PTPRD: variants seen among roughly 807,000 people sequenced by gnomAD.
PTPRD encodes the protein receptor-type tyrosine-protein phosphatase delta.
In PTPRD, 34 loss-of-function variants were observed where a neutral mutation model predicts 214.5. The ratio of observed to expected loss-of-function variants is 0.16; its 90% confidence interval spans 0.12 to 0.21. The LOEUF is 0.21. Ranked by LOEUF, PTPRD falls within the 10% of genes least tolerant of loss-of-function variation. PTPRD has a pLI of 1.00. For synonymous variants in PTPRD, 1,128 were observed against 845.7 expected (o/e 1.33, Z -5.79); for missense variants, 2,545 against 2,398.7 (o/e 1.06, Z -1.27).
intron 9 of PTPRD, among the ~76,000 whole-genome samples, chr9:9,366,106 C>T (rs2057814286): frequency 1.3e-5 from 2 of 151,368 alleles, no homozygotes; most frequent in Admixed American, 1.3e-4. Flanking sequence ...AATACCCTAC[C>T]TATCTAATGA....
chr9:9,054,526 G>C (rs2099692648), intron 10 of PTPRD, among the ~76,000 whole-genome samples: 1 of 152,052 alleles, frequency 6.6e-6, no homozygotes, highest in Non-Finnish European at 1.5e-5. Context: ...AAGCCTCTTT[G>C]GAAATACATG....
intron 10 of PTPRD, among the ~76,000 whole-genome samples, chr9:9,144,011 T>C (rs985155750): frequency 1.3e-5 from 2 of 152,230 alleles, no homozygotes; most frequent in Non-Finnish European, 2.9e-5. Context: ...ACACTTCTTC[T>C]AAGATCAATT....
In PTPRD at chr9:10,217,843, A is replaced by G. The variant is rs76680632; in HGVS notation, c.-545+123120T>C. On this transcript the variant is annotated intron_variant, in intron 3 of 45. Coordinates refer to ENST00000381196, the MANE Select transcript of PTPRD (RefSeq NM_002839.4). ...GATTGTGGAAAAACCTATGCTTAAG[A>G]AAGTGGAGCAGCTTAAGGAGCTTTC... is the stretch of plus-strand genomic sequence containing the variant. Among the ~76,000 whole-genome samples the G allele has an allele frequency of 6.0e-3, 911 of 152,002 alleles. 16 individuals carry two copies. Among genetic ancestry groups the G allele is most frequent in the African/African-American group, 0.021 (872 of 41,484 alleles).
At chr9:9,891,051 A>T (rs7871927) in intron 5 of PTPRD, among the ~76,000 whole-genome samples, 4,487 of 152,222 alleles carry the variant, frequency 0.029, 189 homozygotes, top group African/African-American at 0.096. Flanking sequence ...ATGGAAGCTA[A>T]GATTATCTTT....
At chr9:8,963,060 A>G (rs896665427) in intron 11 of PTPRD, 1 of 152,162 alleles carries the variant, frequency 6.6e-6, no homozygotes, top group Non-Finnish European at 1.5e-5. Flanking sequence ...CCAGACATCA[A>G]TGAAAATGAA....
At chr9:8,810,134 G>C (rs1371258804) in intron 11 of PTPRD, among the ~76,000 whole-genome samples, 1 of 152,104 alleles carries the variant, frequency 6.6e-6, no homozygotes, top group African/African-American at 2.4e-5. Context: ...AATTAATCAA[G>C]GTAGATAGTC....
chr9:9,096,579 C>CT (rs1197999626), intron 10 of PTPRD, among the ~76,000 whole-genome samples: 3 of 151,830 alleles, frequency 2.0e-5, no homozygotes, highest in Non-Finnish European at 2.9e-5. Flanking sequence ...TAGATGATTT[C>CT]TTTTTTTTAA....
intron 9 of PTPRD, among the ~76,000 whole-genome samples, chr9:9,285,353 C>G (rs1399173705): frequency 6.6e-6 from 1 of 151,758 alleles, no homozygotes; most frequent in African/African-American, 2.4e-5. Flanking sequence ...ATTGCTCTTC[C>G]TCTGACTTCT....
At chr9:9,054,456 C>T (rs1044428759) in intron 10 of PTPRD, among the ~76,000 whole-genome samples, 16 of 152,212 alleles carry the variant, frequency 1.1e-4, no homozygotes, top group African/African-American at 3.1e-4. Context: ...ATTATCATGA[C>T]GTTTACCAGT....
intron 11 of PTPRD, among the ~76,000 whole-genome samples, chr9:8,855,513 AAAT>A (rs1004810391): frequency 4.6e-5 from 7 of 152,180 alleles, no homozygotes; most frequent in South Asian, 2.1e-4. Context: ...TGTCATGCAA[AAAT>A]AATACATTAC....
At chr9:10,050,519 C>T (rs533879425) in intron 3 of PTPRD, among the ~76,000 whole-genome samples, 12 of 128,618 alleles carry the variant, frequency 9.3e-5, no homozygotes, top group South Asian at 7.2e-4. Flanking sequence ...GAAATAGTGC[C>T]ACTGCACTCC....
intron 3 of PTPRD, among the ~76,000 whole-genome samples, chr9:10,282,228 A>G (rs1355841266): frequency 6.6e-6 from 1 of 152,188 alleles, no homozygotes; most frequent in Non-Finnish European, 1.5e-5. Flanking sequence ...GGGAATGATA[A>G]CAATAACCTT....
chr9:9,954,216 A>T (rs1261652302), intron 4 of PTPRD, among the ~76,000 whole-genome samples: 1 of 148,112 alleles, frequency 6.8e-6, no homozygotes, highest in South Asian at 2.1e-4. Flanking sequence ...GAATCGCTTG[A>T]ACCTGGGAGG....
chr9:8,463,308 CA>C (rs71308864), intron 32 of PTPRD, among the ~76,000 whole-genome samples: 2,975 of 28,712 alleles, frequency 0.1, 37 homozygotes, highest in African/African-American at 0.23. Flanking sequence ...CAGAGGCAGC[CA>C]AAAAAAAAAA....
intron 36 of PTPRD, among the ~76,000 whole-genome samples, chr9:8,393,676 C>T (rs2090295197): frequency 6.6e-6 from 1 of 152,078 alleles, no homozygotes; most frequent in Non-Finnish European, 1.5e-5. Flanking sequence ...CATGATTTCT[C>T]ATGCATTGTT....
At chr9:8,346,265 T>G (rs7848705) in intron 39 of PTPRD, among the ~76,000 whole-genome samples, 21,934 of 151,996 alleles carry the variant, frequency 0.14, 2,014 homozygotes, top group East Asian at 0.35. Flanking sequence ...CAAAAGCCAA[T>G]CCTTACATTT....
At chr9:10,374,558 A>G (rs2154479513) in intron 2 of PTPRD, among the ~76,000 whole-genome samples, 1 of 152,122 alleles carries the variant, frequency 6.6e-6, no homozygotes, top group African/African-American at 2.4e-5. Context: ...AGGAACCCAC[A>G]GATCATCAGA....
intron 11 of PTPRD, among the ~76,000 whole-genome samples, chr9:8,984,517 C>G (rs2099329548): frequency 1.3e-5 from 2 of 152,020 alleles, no homozygotes; most frequent in East Asian, 3.9e-4. Flanking sequence ...ATGAGCTGTT[C>G]TGAAACATAC....
At chr9:9,082,079 G>C (rs536012039) in intron 10 of PTPRD, among the ~76,000 whole-genome samples, 94 of 150,594 alleles carry the variant, frequency 6.2e-4, no homozygotes, top group South Asian at 5.1e-3. Context: ...ACAAACAATA[G>C]AAAAAGACGG....
Sources: allele counts gnomAD v4.1 joint callset (sites outside exome capture counted in the v4.1 genomes callset), GRCh38; gene constraint gnomAD v4.1.1; transcripts MANE v1.5; gene names NCBI Gene and HGNC (gene_info 2026-07-23, HGNC 2026-07-21).